USP24: variants seen among roughly 807,000 people sequenced by gnomAD.
USP24 encodes the protein ubiquitin specific peptidase 24.
Under a neutral mutation model 361.6 loss-of-function variants are expected in USP24, and 97 were observed. That is an observed-to-expected ratio of 0.27 (90% confidence interval 0.23 to 0.32). USP24 has a LOEUF of 0.32. Ranked by LOEUF, USP24 falls within the 10% of genes least tolerant of loss-of-function variation. The probability of loss-of-function intolerance (pLI) is 1.00; values close to 1 mark genes in which losing one functional copy is unlikely to be tolerated. For synonymous variants in USP24, 1,098 were observed against 1,124.6 expected (o/e 0.98, Z 0.47); for missense variants, 2,353 against 3,165.6 (o/e 0.74, Z 6.16).
intron 54 of USP24, among the ~76,000 whole-genome samples, chr1:55,091,510 AC>A (rs1434105521): frequency 6.6e-6 from 1 of 152,156 alleles, no homozygotes; most frequent in Non-Finnish European, 1.5e-5. Context: ...ACGATCTCCC[AC>A]TGAACACAGC....
chr1:55,215,108 T>C lies in USP24; in HGVS notation c.6A>G (p.Glu2=), dbSNP rs1303114299. Residue 2 remains glutamate, a synonymous_variant, in exon 1 of 68, where the codon GAA becomes GAG. Transcript: ENST00000294383. M[E]SEEEQHMTTL... is the part of the protein sequence containing the mutation. ...TGGTCATGTGCTGCTCCTCCTCCGA[T>C]TCCATGGCTTGGGCCTCCTGGCCGC... The C allele has an allele frequency of 2.3e-6, 3 of 1,284,834 alleles. No homozygotes were observed. Among genetic ancestry groups the C allele is most frequent in the Admixed American group, 3.0e-5 (1 of 33,208 alleles). The allele number at this position is 1,284,834 out of a possible 1,614,324, so 79.6% of individuals were successfully genotyped here.
intron 51 of USP24, among the ~76,000 whole-genome samples, chr1:55,094,387 CA>C (rs929997333): frequency 1.3e-5 from 2 of 151,894 alleles, no homozygotes; most frequent in African/African-American, 4.8e-5. Context: ...CATTTAAGCA[CA>C]AAATGAATTC....
chr1:55,154,492 T>C (rs1167272258), intron 13 of USP24, 26 bp from the exon 14 acceptor site: 1 of 1,544,840 alleles, frequency 6.5e-7, no homozygotes, highest in East Asian at 2.4e-5. Context: ...GACACAGGAA[T>C]TGCTTCACGA....
At chr1:55,213,837 G>A (rs750325894) in intron 1 of USP24, among the ~76,000 whole-genome samples, 14 of 151,906 alleles carry the variant, frequency 9.2e-5, no homozygotes, top group Non-Finnish European at 1.6e-4. Flanking sequence ...ACCTAGACTT[G>A]AGGTCTCTGA....
chr1:55,085,168 G>A (rs1230108662), intron 56 of USP24, among the ~76,000 whole-genome samples: 8 of 151,972 alleles, frequency 5.3e-5, no homozygotes, highest in African/African-American at 9.7e-5. Flanking sequence ...AATGATTCCC[G>A]GAATTGAGAT....
At chr1:55,164,054 T>C (rs12094274) in intron 7 of USP24, among the ~76,000 whole-genome samples, 2,532 of 152,076 alleles carry the variant, frequency 0.017, 64 homozygotes, top group African/African-American at 0.058. Flanking sequence ...AGCAAAAACA[T>C]AGAAATAATC....
chr1:55,124,223 C>G (rs1357373886), intron 35 of USP24, among the ~76,000 whole-genome samples: 1 of 152,154 alleles, frequency 6.6e-6, no homozygotes, highest in Non-Finnish European at 1.5e-5. Flanking sequence ...AAGCTAAAAA[C>G]TGTTGATTTG....
At chr1:55,153,781 T>A in intron 16 of USP24, 89 bp downstream of exon 16, 1 of 1,186,122 alleles carries the variant, frequency 8.4e-7, no homozygotes, top group Non-Finnish European at 1.2e-6. Context: ...CACTAAAACA[T>A]ACTATTATTT....
intron 31 of USP24, among the ~76,000 whole-genome samples, chr1:55,131,806 T>C (rs116557544): frequency 3.3e-4 from 51 of 152,358 alleles, no homozygotes; most frequent in African/African-American, 1.2e-3. Flanking sequence ...GGCACTGATA[T>C]GGATTCTATT....
At chr1:55,209,703 G>A (rs1173979103) in intron 1 of USP24, among the ~76,000 whole-genome samples, 1 of 152,106 alleles carries the variant, frequency 6.6e-6, no homozygotes, top group Non-Finnish European at 1.5e-5. Context: ...TGAGTGGAGT[G>A]CATGAGCTTT....
chr1:55,157,109 A>G (rs1274292640), intron 11 of USP24, 58 bp from the exon 12 acceptor site: 12 of 1,473,678 alleles, frequency 8.1e-6, no homozygotes, highest in South Asian at 2.3e-5. Flanking sequence ...CTCTCTAAAT[A>G]TAATTCTATT....
chr1:55,086,836 A>C (rs1645261715), intron 55 of USP24, among the ~76,000 whole-genome samples: 1 of 152,252 alleles, frequency 6.6e-6, no homozygotes, highest in Non-Finnish European at 1.5e-5. Flanking sequence ...CAAGACAGGC[A>C]AATGTCAACA....
intron 1 of USP24, among the ~76,000 whole-genome samples, chr1:55,180,739 C>G (rs920062489): frequency 6.6e-6 from 1 of 152,172 alleles, no homozygotes; most frequent in Non-Finnish European, 1.5e-5. Flanking sequence ...TATACCCTTA[C>G]CATCCTCAAC....
intron 3 of USP24, among the ~76,000 whole-genome samples, chr1:55,173,351 C>A (rs1305011533): frequency 6.6e-6 from 1 of 151,958 alleles, no homozygotes; most frequent in Non-Finnish European, 1.5e-5. Flanking sequence ...CATAAAACAT[C>A]AAATATAAAA....
chr1:55,104,925 T>C (rs1480327718), intron 41 of USP24, among the ~76,000 whole-genome samples: 2 of 152,196 alleles, frequency 1.3e-5, no homozygotes, highest in Non-Finnish European at 2.9e-5. Flanking sequence ...CAAAATAGCA[T>C]TACTTCTGAA....
chr1:55,097,886 G>T, intron 47 of USP24, 57 bp downstream of exon 47: 1 of 1,545,414 alleles, frequency 6.5e-7, no homozygotes, highest in African/African-American at 1.4e-5. Context: ...ATAAAACAAA[G>T]ACGCACTATG....
Position 55,148,472 on chromosome 1 carries a change from C to T in USP24, c.1959G>A (p.Lys653=), listed in dbSNP as rs142943113. 2.2e-3 allele frequency: 3,448 copies of T among 1,576,210 alleles called. 74 individuals are homozygous for T. The African/African-American group carries it at 0.041, about 19-fold the overall frequency. ...ATAGCTATACCCTTACCTTGTCTTG[C>T]TTTTGATAGGTTTGTTTTATGAATG... ...TRSFIKQTYQ[K]QDKSIIQDLK... is the part of the protein sequence containing the mutation. The change falls in exon 17 of 68, where the codon AAG becomes AAA. Residue 653 remains lysine, a synonymous_variant. Coordinates refer to ENST00000294383, the MANE Select transcript of USP24 (RefSeq NM_015306.3).
intron 16 of USP24, among the ~76,000 whole-genome samples, chr1:55,150,850 A>G (rs1041984975): frequency 3.9e-5 from 6 of 152,182 alleles, no homozygotes; most frequent in Admixed American, 3.9e-4. Context: ...TCCAATTACA[A>G]TGAAGATATC....
chr1:55,177,303 A>G (rs929793593), intron 2 of USP24, among the ~76,000 whole-genome samples: 1 of 152,134 alleles, frequency 6.6e-6, no homozygotes, highest in Non-Finnish European at 1.5e-5. Flanking sequence ...GAAAAAGTAC[A>G]TTTCTTTATT....
Sources: gnomAD v4.1 joint callset for allele counts (sites outside exome capture counted in the v4.1 genomes callset) on GRCh38, gnomAD v4.1.1 for gene constraint, MANE v1.5 for transcripts, NCBI Gene and HGNC (gene_info 2026-07-23, HGNC 2026-07-21) for gene names.